The following PTPRD variants were observed in gnomAD, a reference collection of about 807,000 sequenced individuals.
PTPRD encodes receptor-type tyrosine-protein phosphatase delta.
In PTPRD, 34 loss-of-function variants were observed where a neutral mutation model predicts 214.5. That is an observed-to-expected ratio of 0.16 (90% CI 0.12 to 0.21). The LOEUF is 0.21. Ranked by LOEUF, PTPRD falls within the 10% of genes least tolerant of loss-of-function variation. PTPRD has a pLI of 1.00. For synonymous variants in PTPRD, 1,128 were observed against 845.7 expected, an observed-to-expected ratio of 1.33 and a Z score of -5.79; for missense variants, 2,545 against 2,398.7, an observed-to-expected ratio of 1.06 and a Z score of -1.27.
chr9:9,659,506 G>T lies in PTPRD; in HGVS notation c.-287+75027C>A, dbSNP rs1315466279. ...CAAATCAATTAAGTCAGAATCTCTG[G>T]ACATAGGACTCAGGTGTTAGTATTT... On this transcript the variant is annotated intron_variant, in intron 7 of 45. Transcript: ENST00000381196. 2.6e-5 allele frequency among the ~76,000 whole-genome samples: 4 copies of T among 151,912 alleles called. No homozygotes were observed. The South Asian group carries it at 8.3e-4, about 31-fold the overall frequency.
At chr9:9,809,821 T>G (rs763474147) in intron 5 of PTPRD, among the ~76,000 whole-genome samples, 10 of 152,182 alleles carry the variant, frequency 6.6e-5, no homozygotes, top group Non-Finnish European at 1.0e-4. Flanking sequence ...AAATGGTGAC[T>G]TTGATACTGG....
intron 3 of PTPRD, among the ~76,000 whole-genome samples, chr9:10,118,914 TGAA>T (rs2098752920): frequency 6.9e-6 from 1 of 144,020 alleles, no homozygotes; most frequent in Non-Finnish European, 1.6e-5. Context: ...ATAAAGGAGA[TGAA>T]GGAAGAGGGC....
intron 7 of PTPRD, among the ~76,000 whole-genome samples, chr9:9,722,988 T>A (rs1477104013): frequency 6.6e-6 from 1 of 152,110 alleles, no homozygotes. Context: ...TTCTTTGAAT[T>A]ATGTTTTCAC....
intron 11 of PTPRD, among the ~76,000 whole-genome samples, chr9:8,934,482 T>TATATATAA (rs1567100372): frequency 1.3e-3 from 10 of 7,662 alleles, no homozygotes; most frequent in African/African-American, 3.3e-3. Context: ...TATATAAATA[T>TATATATAA]ATATATATAT....
chr9:9,470,427 T>C (rs181469000), intron 8 of PTPRD, among the ~76,000 whole-genome samples: 102 of 152,284 alleles, frequency 6.7e-4, no homozygotes, highest in African/African-American at 2.2e-3. Flanking sequence ...ATAAATAATA[T>C]TGTTATTTAG....
At chr9:10,511,652 G>A (rs2048083911) in intron 2 of PTPRD, among the ~76,000 whole-genome samples, 1 of 147,522 alleles carries the variant, frequency 6.8e-6, no homozygotes, top group Non-Finnish European at 1.5e-5. Context: ...CTGACCTCAT[G>A]ATCCACCCGC....
chr9:8,375,845 T>A, intron 39 of PTPRD, 91 bp downstream of exon 39: 8 of 1,415,804 alleles, frequency 5.7e-6, no homozygotes, highest in Non-Finnish European at 7.7e-6. Context: ...AGACATTTAC[T>A]ATTCCAGAAT....
chr9:8,565,104 T>G (rs1310828562), intron 14 of PTPRD, among the ~76,000 whole-genome samples: 4 of 152,240 alleles, frequency 2.6e-5, no homozygotes, highest in African/African-American at 9.6e-5. Context: ...GACGAACATG[T>G]GGCCATGTAA....
At chr9:8,495,689 T>C (rs1329471419) in intron 26 of PTPRD, among the ~76,000 whole-genome samples, 1 of 152,178 alleles carries the variant, frequency 6.6e-6, no homozygotes, top group Non-Finnish European at 1.5e-5. Flanking sequence ...TAAACAGAGG[T>C]GTGCATTGAA....
In PTPRD at chr9:8,696,973, C is replaced by G. The variant is rs927294962; in HGVS notation, c.64+36807G>C. On this transcript the variant is annotated intron_variant, in intron 12 of 45. Coordinates refer to ENST00000381196, the MANE Select transcript of PTPRD (RefSeq NM_002839.4). ...GTTTCTTCATTTTAGTTTTCTCTTT[C>G]TTTTAAAAAATCAAATGGGTTACAA... is the stretch of plus-strand genomic sequence containing the variant. Among the ~76,000 whole-genome samples the G allele has an allele frequency of 2.2e-5, 3 of 133,628 alleles. No individual in the cohort carries two copies. In the Admixed American group the frequency reaches 2.3e-4, roughly 10 times the overall value. The allele number at this position is 133,628 out of a possible 152,430, so 87.7% of individuals were successfully genotyped here.
chr9:10,400,206 G>C (rs907412905), intron 2 of PTPRD, among the ~76,000 whole-genome samples: 25 of 151,744 alleles, frequency 1.6e-4, no homozygotes, highest in African/African-American at 6.0e-4. Flanking sequence ...ATTTATAAAA[G>C]AAGGATAATA....
intron 4 of PTPRD, among the ~76,000 whole-genome samples, chr9:9,948,168 C>G (rs939572293): frequency 4.6e-5 from 7 of 152,034 alleles, no homozygotes; most frequent in Non-Finnish European, 8.8e-5. Flanking sequence ...ATTCAGGGCC[C>G]TATTCAAAGT....
intron 2 of PTPRD, among the ~76,000 whole-genome samples, chr9:10,503,440 G>C (rs1478823574): frequency 2.0e-5 from 3 of 151,812 alleles, no homozygotes; most frequent in African/African-American, 7.3e-5. Flanking sequence ...AAATAATCAA[G>C]TCAATTTTTT....
At chr9:10,087,103 A>G (rs1424511336) in intron 3 of PTPRD, among the ~76,000 whole-genome samples, 1 of 150,772 alleles carries the variant, frequency 6.6e-6, no homozygotes, top group Admixed American at 6.7e-5. Context: ...CAAAGAATCA[A>G]ACAATGCTTG....
intron 45 of PTPRD, 60 bp from the exon 46 acceptor site, chr9:8,318,002 A>G: frequency 1.3e-6 from 2 of 1,506,392 alleles, no homozygotes; most frequent in Non-Finnish European, 1.8e-6. Context: ...ATTTTAATAG[A>G]AAAATAAAAA....
chr9:10,586,687 T>A (rs1328001944), intron 2 of PTPRD, among the ~76,000 whole-genome samples: 3 of 152,104 alleles, frequency 2.0e-5, no homozygotes, highest in Non-Finnish European at 4.4e-5. Context: ...GAGAATGAAT[T>A]ATTCCTTCTT....
chr9:8,643,302 T>C (rs1246966131), intron 12 of PTPRD, among the ~76,000 whole-genome samples: 2 of 151,912 alleles, frequency 1.3e-5, no homozygotes, highest in African/African-American at 4.8e-5. Flanking sequence ...ATTACTCCTA[T>C]TTTATAGATT....
At chr9:9,416,155 C>A (rs2142164510) in intron 8 of PTPRD, among the ~76,000 whole-genome samples, 1 of 152,260 alleles carries the variant, frequency 6.6e-6, no homozygotes, top group Middle Eastern at 3.4e-3. Flanking sequence ...TCCATCCTCT[C>A]ATTTCTAGAT....
At chr9:9,910,626 T>C (rs2078926152) in intron 5 of PTPRD, among the ~76,000 whole-genome samples, 1 of 152,076 alleles carries the variant, frequency 6.6e-6, no homozygotes, top group Non-Finnish European at 1.5e-5. Context: ...TAATTGCTTG[T>C]GGAATTAGGC....
Sources: allele counts gnomAD v4.1 joint callset (sites outside exome capture counted in the v4.1 genomes callset), GRCh38; gene constraint gnomAD v4.1.1; transcripts MANE v1.5; gene names NCBI Gene and HGNC (gene_info 2026-07-23, HGNC 2026-07-21).